Variants in COL6A6 observed in about 807,000 individuals in gnomAD.
COL6A6 encodes collagen type VI alpha 6 chain, also known as collagen alpha-6(VI) chain.
A neutral mutation model predicts 208.6 loss-of-function variants in COL6A6; 183 were observed. That is an observed-to-expected ratio of 0.88 (90% CI 0.78 to 0.99). The LOEUF (loss-of-function observed/expected upper bound fraction) is 0.99, where lower values mean the gene tolerates loss of function less well. COL6A6 is among the 50% of genes least tolerant of loss of function. COL6A6 has a pLI of 0.00. For synonymous variants in COL6A6, 973 were observed against 1,011.8 expected (o/e 0.96, Z 0.73); for missense variants, 2,816 against 2,815.2 (o/e 1.00, Z -0.01).
At chr3:130,655,919 G>A (rs781015612) in intron 33 of COL6A6, among the ~76,000 whole-genome samples, 38 of 152,220 alleles carry the variant, frequency 2.5e-4, no homozygotes, top group African/African-American at 6.5e-4. Flanking sequence ...ATGGAGCAGC[G>A]AGGGGTGTGT....
rs2063576217 is a variant in COL6A6, at chr3:130,587,811, T to G, written c.4125+1151T>G. On this transcript the variant is annotated intron_variant, in intron 11 of 36. Coordinates refer to ENST00000358511, the MANE Select transcript of COL6A6 (RefSeq NM_001102608.3). ...TGTAAAAATAATTACATATAGAATATGAAAGTTTTGTTGGAATTCCTTTCT... is the reference window on the plus strand; with the variant it reads ...TGTAAAAATAATTACATATAGAATAGGAAAGTTTTGTTGGAATTCCTTTCT... Among the ~76,000 whole-genome samples, 3 of 152,358 alleles carry G rather than the reference T, an allele frequency of 2.0e-5. No homozygotes were observed. The South Asian group carries it at 6.2e-4, about 32-fold the overall frequency.
At chr3:130,545,178 C>A (rs569743867) in intron 1 of COL6A6, among the ~76,000 whole-genome samples, 1 of 152,198 alleles carries the variant, frequency 6.6e-6, no homozygotes, top group Admixed American at 6.5e-5. Context: ...GTCTTTTATA[C>A]ATTTTGAGTT....
At chr3:130,594,383 C>T in intron 18 of COL6A6, 40 bp downstream of exon 18, 4 of 1,498,608 alleles carry the variant, frequency 2.7e-6, no homozygotes, top group Non-Finnish European at 2.8e-6. Context: ...GGGCTTGATT[C>T]CCATCCGTAC....
chr3:130,586,774 G>A (rs1044965306), intron 11 of COL6A6, 114 bp downstream of exon 11: 9 of 1,032,358 alleles, frequency 8.7e-6, no homozygotes, highest in African/African-American at 1.6e-5. Context: ...GTGAAGAAAG[G>A]TTTTTATGAA....
intron 1 of COL6A6, among the ~76,000 whole-genome samples, chr3:130,520,292 T>C (rs1217914893): frequency 1.3e-5 from 2 of 152,226 alleles, no homozygotes; most frequent in East Asian, 3.8e-4. Flanking sequence ...AAAGCTACGC[T>C]AAGTTTTTCA....
intron 23 of COL6A6, among the ~76,000 whole-genome samples, chr3:130,619,482 A>G (rs2064641497): frequency 1.3e-5 from 2 of 152,240 alleles, no homozygotes; most frequent in Non-Finnish European, 2.9e-5. Flanking sequence ...GAGGCATGCA[A>G]TTCCAACATT....
chr3:130,650,999 A>G (rs2065626288), intron 33 of COL6A6, among the ~76,000 whole-genome samples: 1 of 152,238 alleles, frequency 6.6e-6, no homozygotes, highest in Non-Finnish European at 1.5e-5. Flanking sequence ...AAGTGTTGAA[A>G]TAAGCATAAC....
rs527612681 is a variant in COL6A6 at position 130,554,764 on chromosome 3, C to T, written c.-31-5570C>T. Among the ~76,000 whole-genome samples the T allele has an allele frequency of 8.5e-5, 13 of 152,210 alleles. No homozygotes were observed. In the South Asian group the frequency reaches 2.5e-3, roughly 29 times the overall value. ...TTGGCAAAGTGATGCAGGGGGTGGCCATGGGTGAGTGTTCACTGGTAAAGA... is the reference window on the plus strand; with the variant it reads ...TTGGCAAAGTGATGCAGGGGGTGGCTATGGGTGAGTGTTCACTGGTAAAGA... On this transcript the variant is annotated intron_variant, in intron 1 of 36. Transcript: ENST00000358511.
intron 1 of COL6A6, among the ~76,000 whole-genome samples, chr3:130,532,449 A>T (rs1049944842): frequency 2.2e-4 from 33 of 151,754 alleles, no homozygotes; most frequent in African/African-American, 7.8e-4. Flanking sequence ...CCCCAATCAG[A>T]CTCTGATTTC....
chr3:130,562,352 G>A (rs2062911866), intron 2 of COL6A6, among the ~76,000 whole-genome samples: 1 of 152,082 alleles, frequency 6.6e-6, no homozygotes, highest in South Asian at 2.1e-4. Flanking sequence ...CCCTTTTCTA[G>A]CCCAAGATAC....
intron 1 of COL6A6, among the ~76,000 whole-genome samples, chr3:130,526,017 C>G (rs1040132818): frequency 6.6e-6 from 1 of 151,852 alleles, no homozygotes; most frequent in Non-Finnish European, 1.5e-5. Context: ...ATGTACAAAC[C>G]CTATTCTAGG....
At chr3:130,523,276 T>C (rs529256687) in intron 1 of COL6A6, among the ~76,000 whole-genome samples, 49 of 152,236 alleles carry the variant, frequency 3.2e-4, no homozygotes, top group African/African-American at 1.1e-3. Context: ...AGAAAAAGCA[T>C]TACTGGACCC....
At chr3:130,520,997 T>C (rs1412600977) in intron 1 of COL6A6, among the ~76,000 whole-genome samples, 1 of 152,206 alleles carries the variant, frequency 6.6e-6, no homozygotes. Flanking sequence ...GAATAGAATA[T>C]ACAAACCAAC....
Position 130,626,552 on chromosome 3 carries a change from G to A in COL6A6, c.4941+5G>A, listed in dbSNP as rs766851096. The A allele has an allele frequency of 6.2e-7, 1 of 1,606,718 alleles. No homozygotes were observed. The highest frequency in any genetic ancestry group is 8.5e-7 in the Non-Finnish European group (1 of 1,173,322). ...CCTGGTCCTCGTGGCTTGCAGGTTT[G>A]TATTTTGACACTAGTTTTGATCGGA... is the stretch of plus-strand genomic sequence containing the variant. On this transcript the variant is annotated splice_donor_5th_base_variant and intron_variant, in intron 25 of 36. Coordinates refer to ENST00000358511, the MANE Select transcript of COL6A6 (RefSeq NM_001102608.3).
chr3:130,548,882 G>C (rs1361712814), intron 1 of COL6A6, among the ~76,000 whole-genome samples: 1 of 152,170 alleles, frequency 6.6e-6, no homozygotes, highest in Non-Finnish European at 1.5e-5. Flanking sequence ...CTCTCCAATG[G>C]GGGCAGGGGT....
chr3:130,564,987 C>T lies in COL6A6; in HGVS notation c.662-7C>T. The T allele has an allele frequency of 1.2e-6, 2 of 1,609,936 alleles. No individual in the cohort carries two copies. Among genetic ancestry groups the T allele is most frequent in the Non-Finnish European group, 1.7e-6 (2 of 1,177,568 alleles). Reference sequence around the variant, plus strand: ...AAAATTGTGCTTGTTTATTTCTTGCCACACAGCTTGCCAAGGCCCTTCTAT... The same window carrying T: ...AAAATTGTGCTTGTTTATTTCTTGCTACACAGCTTGCCAAGGCCCTTCTAT... On this transcript the variant is annotated splice_polypyrimidine_tract_variant and splice_region_variant and intron_variant, in intron 3 of 36. Coordinates refer to ENST00000358511, the MANE Select transcript of COL6A6 (RefSeq NM_001102608.3).
intron 32 of COL6A6, 134 bp from the exon 33 acceptor site, chr3:130,648,935 A>G (rs2065538641): frequency 1.5e-6 from 1 of 689,032 alleles, no homozygotes; most frequent in Non-Finnish European, 2.2e-6. Context: ...AATATATTTT[A>G]CATGTTTGTT....
At chr3:130,531,013 TCTAC>T in intron 1 of COL6A6, among the ~76,000 whole-genome samples, 1 of 72,442 alleles carries the variant, frequency 1.4e-5, no homozygotes. Flanking sequence ...ACCCCCCTCC[TCTAC>T]ACACACACAC....
intron 11 of COL6A6, among the ~76,000 whole-genome samples, chr3:130,587,852 G>C (rs192845898): frequency 9.2e-5 from 14 of 152,202 alleles, no homozygotes; most frequent in African/African-American, 3.4e-4. Flanking sequence ...GGAAGACAGT[G>C]TTTTTACAAA....
Sources: allele counts gnomAD v4.1 joint callset (sites outside exome capture counted in the v4.1 genomes callset), GRCh38; gene constraint gnomAD v4.1.1; transcripts MANE v1.5; gene names NCBI Gene and HGNC (gene_info 2026-07-23, HGNC 2026-07-21).